MYT1L: variants seen among roughly 807,000 people sequenced by gnomAD.
MYT1L encodes myelin transcription factor 1-like protein.
Under a neutral mutation model 126.7 loss-of-function variants are expected in MYT1L, and 12 were observed. That is an observed-to-expected ratio of 0.09 (90% CI 0.06 to 0.15). The LOEUF (loss-of-function observed/expected upper bound fraction) is 0.15. MYT1L is among the 10% of genes least tolerant of loss of function. MYT1L has a pLI of 1.00. For missense variants in MYT1L, 979 were observed against 1,585.2 expected (o/e 0.62, Z 6.49); for synonymous variants, 541 against 604.2 (o/e 0.90, Z 1.53).
At chr2:1,879,411 G>T (rs2047284094) in intron 18 of MYT1L, among the ~76,000 whole-genome samples, 1 of 152,058 alleles carries the variant, frequency 6.6e-6, no homozygotes, top group South Asian at 2.1e-4. Flanking sequence ...CCTTCTTGCT[G>T]CCCAGAGTCA....
intron 18 of MYT1L, chr2:1,885,050 T>C (rs1055652763): frequency 6.6e-6 from 1 of 152,222 alleles, no homozygotes; most frequent in African/African-American, 2.4e-5. Flanking sequence ...GAGGCAACAC[T>C]AGAAGCAACT....
At chr2:2,152,611 C>A (rs2085994166) in intron 3 of MYT1L, among the ~76,000 whole-genome samples, 1 of 152,094 alleles carries the variant, frequency 6.6e-6, no homozygotes, top group African/African-American at 2.4e-5. Flanking sequence ...AAAACAGGTG[C>A]AGGGGCCTGG....
intron 1 of MYT1L, among the ~76,000 whole-genome samples, chr2:2,317,358 G>C (rs2096083605): frequency 6.6e-6 from 1 of 152,126 alleles, no homozygotes; most frequent in Non-Finnish European, 1.5e-5. Flanking sequence ...TAATGCCTTT[G>C]AGATTGCTGT....
intron 3 of MYT1L, among the ~76,000 whole-genome samples, chr2:2,081,326 G>A (rs563655019): frequency 6.6e-6 from 1 of 152,040 alleles, no homozygotes. Flanking sequence ...ATTTATTAAC[G>A]GCTGTATAAA....
chr2:2,016,828 G>A (rs1365770908), intron 4 of MYT1L, among the ~76,000 whole-genome samples: 2 of 152,362 alleles, frequency 1.3e-5, no homozygotes, highest in Non-Finnish European at 2.9e-5. Flanking sequence ...CTAAGTGTCT[G>A]AATTTCCTGC....
chr2:1,848,988 T>C lies in MYT1L; in HGVS notation c.2774+2653A>G, dbSNP rs745676513. Among the ~76,000 whole-genome samples the C allele has an allele frequency of 1.3e-5, 2 of 152,186 alleles. No homozygotes were observed. Among genetic ancestry groups the C allele is most frequent in the African/African-American group, 2.4e-5 (1 of 41,458 alleles). ...CACTTACTTTCCAACTCCATTGACTTAACCCTGGGATCATTTACTCCAGGC... is the reference window on the plus strand; with the variant it reads ...CACTTACTTTCCAACTCCATTGACTCAACCCTGGGATCATTTACTCCAGGC... On this transcript the variant is annotated intron_variant, in intron 19 of 24. Transcript: ENST00000647738. The surrounding 1 kb of genome is among the most constrained non-coding windows in gnomAD (Gnocchi z 4.8).
At chr2:2,142,507 A>C (rs527594863) in intron 3 of MYT1L, among the ~76,000 whole-genome samples, 58 of 152,238 alleles carry the variant, frequency 3.8e-4, no homozygotes, top group African/African-American at 1.3e-3. Flanking sequence ...CCAGGCGTGA[A>C]GCGTCAACTC....
chr2:1,966,495 T>C (rs1309429534), intron 8 of MYT1L, among the ~76,000 whole-genome samples: 1 of 152,142 alleles, frequency 6.6e-6, no homozygotes, highest in African/African-American at 2.4e-5. Context: ...GAGGCTCTTC[T>C]GGAAACAGAA....
chr2:2,188,056 G>T (rs1390496319), intron 2 of MYT1L, among the ~76,000 whole-genome samples: 1 of 151,994 alleles, frequency 6.6e-6, no homozygotes, highest in African/African-American at 2.4e-5. Context: ...ACACTTAATG[G>T]CAAGCTCTAA....
chr2:2,185,018 G>T (rs938880024), intron 2 of MYT1L, among the ~76,000 whole-genome samples: 1 of 152,032 alleles, frequency 6.6e-6, no homozygotes, highest in East Asian at 1.9e-4. Flanking sequence ...GTCTACTTTA[G>T]AAGGCTTGTC....
chr2:2,168,224 G>A (rs1384817310), intron 3 of MYT1L, among the ~76,000 whole-genome samples: 1 of 152,190 alleles, frequency 6.6e-6, no homozygotes, highest in Non-Finnish European at 1.5e-5. Context: ...GAGGCTCCAG[G>A]TCAGAGGGAT....
intron 4 of MYT1L, among the ~76,000 whole-genome samples, chr2:1,999,848 T>C (rs1280777135): frequency 2.0e-5 from 3 of 152,188 alleles, no homozygotes; most frequent in Non-Finnish European, 4.4e-5. Context: ...TATCTAAAAA[T>C]TAAACAGTTA....
intron 18 of MYT1L, among the ~76,000 whole-genome samples, chr2:1,878,573 G>A (rs1437162500): frequency 6.6e-6 from 1 of 152,120 alleles, no homozygotes; most frequent in African/African-American, 2.4e-5. Context: ...GTGTATGTGG[G>A]CATTTAAGTT....
At chr2:2,101,455 A>C (rs1396092419) in intron 3 of MYT1L, among the ~76,000 whole-genome samples, 2 of 151,788 alleles carry the variant, frequency 1.3e-5, no homozygotes, top group African/African-American at 4.8e-5. Flanking sequence ...TCAATCTACC[A>C]CCCACCCACC....
intron 8 of MYT1L, among the ~76,000 whole-genome samples, chr2:1,963,771 C>A (rs2059137072): frequency 6.6e-6 from 1 of 152,224 alleles, no homozygotes; most frequent in Non-Finnish European, 1.5e-5. Flanking sequence ...CTTCACAGAA[C>A]TGAAGAGAGT....
chr2:1,975,721 G>T (rs1052538265), intron 8 of MYT1L, among the ~76,000 whole-genome samples: 1 of 152,260 alleles, frequency 6.6e-6, no homozygotes, highest in Admixed American at 6.5e-5. Context: ...AAAATTAGCT[G>T]GGCGTGGTGG....
chr2:2,091,964 GGC>G (rs148144612), intron 3 of MYT1L, among the ~76,000 whole-genome samples: 45 of 152,290 alleles, frequency 3.0e-4, no homozygotes, highest in Non-Finnish European at 4.6e-4. Flanking sequence ...GGAATATTGT[GGC>G]TGCTCTAATC....
At chr2:2,102,339 G>C (rs576328838) in intron 3 of MYT1L, among the ~76,000 whole-genome samples, 1 of 152,132 alleles carries the variant, frequency 6.6e-6, no homozygotes, top group Non-Finnish European at 1.5e-5. Context: ...ATGGAACATA[G>C]GTAAATTTTC....
At position 2,260,757 on chromosome 2, in the gene MYT1L, A is replaced by G. The variant is rs76755720; in HGVS notation, c.-421+23647T>C. ...TATTTTTATTATCTTCCTCTTTGCAATTGGAATATATTTCCCAGCCCATGT... is the reference window on the plus strand; with the variant it reads ...TATTTTTATTATCTTCCTCTTTGCAGTTGGAATATATTTCCCAGCCCATGT... On this transcript the variant is annotated intron_variant, in intron 2 of 24. Coordinates refer to ENST00000647738, the MANE Select transcript of MYT1L (RefSeq NM_001303052.2). Among the ~76,000 whole-genome samples the G allele has an allele frequency of 1.2e-4, 19 of 152,078 alleles. No homozygotes were observed. The East Asian group carries it at 3.7e-3, about 29-fold the overall frequency.
Sources: gnomAD v4.1 joint callset for allele counts (sites outside exome capture counted in the v4.1 genomes callset) on GRCh38, gnomAD v4.1.1 for gene constraint, Gnocchi (gnomAD v3.1) non-coding constraint, MANE v1.5 for transcripts, NCBI Gene and HGNC (gene_info 2026-07-23, HGNC 2026-07-21) for gene names.